The following PEBP4 variants were observed in gnomAD, a reference collection of about 807,000 sequenced individuals.
The protein encoded by PEBP4 is phosphatidylethanolamine-binding protein 4.
Under a neutral mutation model 23.9 loss-of-function variants are expected in PEBP4, and 22 were observed. That is an observed-to-expected ratio of 0.92 (90% confidence interval 0.66 to 1.31). The LOEUF (loss-of-function observed/expected upper bound fraction) is 1.31. Among genes scored for constraint, PEBP4 ranks in the 40% most tolerant of loss-of-function variants. PEBP4 has a pLI of 0.00. For synonymous variants in PEBP4, 112 were observed against 99.3 expected (o/e 1.13, Z -0.76); for missense variants, 324 against 281.7 (o/e 1.15, Z -1.07).
chr8:22,764,410 T>C (rs1228965279), intron 4 of PEBP4, among the ~76,000 whole-genome samples: 1 of 152,156 alleles, frequency 6.6e-6, no homozygotes, highest in Non-Finnish European at 1.5e-5. Flanking sequence ...TGCTGACCTG[T>C]GAACGCTTCA....
chr8:22,808,938 G>T lies in PEBP4; in HGVS notation c.357+8699C>A, dbSNP rs1323120618. ...ATCAATCCTAATGGCTACCTGTCAA[G>T]TCTGATGCCCACTGGTGGCTTCTCT... On this transcript the variant is annotated intron_variant, in intron 4 of 6. Transcript: ENST00000256404. Among the ~76,000 whole-genome samples, 3 of 152,328 alleles carry T rather than the reference G, an allele frequency of 2.0e-5. No homozygotes were observed. The East Asian group carries it at 5.8e-4, about 29-fold the overall frequency.
chr8:22,936,573 T>C (rs535812311), intron 1 of PEBP4, among the ~76,000 whole-genome samples: 47 of 152,232 alleles, frequency 3.1e-4, no homozygotes, highest in African/African-American at 1.1e-3. Flanking sequence ...TCCAAAACAT[T>C]GGAGAGAATA....
At chr8:22,797,253 CA>C (rs57749113) in intron 4 of PEBP4, among the ~76,000 whole-genome samples, 43,879 of 114,060 alleles carry the variant, frequency 0.38, 6,886 homozygotes, top group Middle Eastern at 0.47. Context: ...AACTCTGTCT[CA>C]AAAAAAAAAA....
intron 3 of PEBP4, among the ~76,000 whole-genome samples, chr8:22,832,713 A>G (rs73553880): frequency 0.031 from 4,770 of 152,278 alleles, 227 homozygotes; most frequent in African/African-American, 0.092. Context: ...CCTGAGTCCT[A>G]GAAGCACTGG....
At chr8:22,864,474 A>G (rs1276927340) in intron 3 of PEBP4, among the ~76,000 whole-genome samples, 1 of 152,126 alleles carries the variant, frequency 6.6e-6, no homozygotes, top group East Asian at 1.9e-4. Flanking sequence ...TGAAGATAGA[A>G]CCACCAATAG....
At chr8:22,845,932 G>T (rs1807424389) in intron 3 of PEBP4, among the ~76,000 whole-genome samples, 1 of 152,258 alleles carries the variant, frequency 6.6e-6, no homozygotes, top group African/African-American at 2.4e-5. Flanking sequence ...CCCTGGATGG[G>T]CAACCTTCTG....
At chr8:22,913,747 G>T (rs779268029) in intron 3 of PEBP4, among the ~76,000 whole-genome samples, 2 of 152,126 alleles carry the variant, frequency 1.3e-5, no homozygotes, top group African/African-American at 2.4e-5. Context: ...ATTTCCAGTC[G>T]ACCCCTCAAC....
chr8:22,721,654 C>G (rs1804520900), intron 6 of PEBP4, among the ~76,000 whole-genome samples: 1 of 152,108 alleles, frequency 6.6e-6, no homozygotes, highest in Admixed American at 6.5e-5. Context: ...AGAAGCTTTT[C>G]CTGCCTGTTC....
At chr8:22,790,122 T>C (rs1563216964) in intron 4 of PEBP4, among the ~76,000 whole-genome samples, 1 of 152,370 alleles carries the variant, frequency 6.6e-6, no homozygotes, top group East Asian at 1.9e-4. Context: ...GCACCAGAGC[T>C]GTGGTCTTTA....
intron 3 of PEBP4, among the ~76,000 whole-genome samples, chr8:22,864,910 A>T (rs1390983614): frequency 6.6e-6 from 1 of 152,182 alleles, no homozygotes; most frequent in African/African-American, 2.4e-5. Flanking sequence ...AGGTCGGGGC[A>T]GGGGACCCAG....
chr8:22,910,662 G>C (rs576354745), intron 3 of PEBP4, among the ~76,000 whole-genome samples: 3 of 152,216 alleles, frequency 2.0e-5, no homozygotes, highest in Non-Finnish European at 4.4e-5. Flanking sequence ...GTGCTGGAAC[G>C]GAAGTCAGGA....
intron 4 of PEBP4, among the ~76,000 whole-genome samples, chr8:22,746,881 C>T (rs1033639848): frequency 1.3e-5 from 2 of 152,182 alleles, no homozygotes; most frequent in Non-Finnish European, 2.9e-5. Flanking sequence ...ATTTGACTCT[C>T]GTTCTGTCAC....
intron 3 of PEBP4, among the ~76,000 whole-genome samples, chr8:22,839,308 G>A (rs1807272633): frequency 6.6e-6 from 1 of 152,148 alleles, no homozygotes; most frequent in Non-Finnish European, 1.5e-5. Context: ...TGGGAGGGGC[G>A]GGGCTCTTGG....
chr8:22,727,590 G>A (rs918997980), intron 4 of PEBP4, among the ~76,000 whole-genome samples: 2 of 152,172 alleles, frequency 1.3e-5, no homozygotes, highest in African/African-American at 4.8e-5. Context: ...ATCACCTGCA[G>A]GGTCTGGTCG....
intron 4 of PEBP4, among the ~76,000 whole-genome samples, chr8:22,812,703 G>T (rs1397721083): frequency 6.6e-6 from 1 of 152,096 alleles, no homozygotes; most frequent in African/African-American, 2.4e-5. Flanking sequence ...GATAAAGATT[G>T]TTTATTCTGT....
At chr8:22,875,593 C>T (rs778736461) in intron 3 of PEBP4, among the ~76,000 whole-genome samples, 27 of 152,158 alleles carry the variant, frequency 1.8e-4, no homozygotes, top group Non-Finnish European at 3.4e-4. Flanking sequence ...CTAACGTAAA[C>T]ACTTGGGACC....
At chr8:22,849,809 A>G (rs1387494234) in intron 3 of PEBP4, among the ~76,000 whole-genome samples, 1 of 152,196 alleles carries the variant, frequency 6.6e-6, no homozygotes, top group Non-Finnish European at 1.5e-5. Context: ...TTTCACATAC[A>G]GTCAACTCAA....
chr8:22,850,840 T>C (rs970314332), intron 3 of PEBP4, among the ~76,000 whole-genome samples: 12 of 152,180 alleles, frequency 7.9e-5, no homozygotes, highest in African/African-American at 2.9e-4. Flanking sequence ...AGGAAGGGCC[T>C]CTCATTGCAA....
At chr8:22,870,705 T>G (rs1807990323) in intron 3 of PEBP4, among the ~76,000 whole-genome samples, 1 of 152,094 alleles carries the variant, frequency 6.6e-6, no homozygotes, top group Non-Finnish European at 1.5e-5. Context: ...GGGGTGTATG[T>G]GGGAACTTTC....
Sources: allele counts gnomAD v4.1 joint callset (sites outside exome capture counted in the v4.1 genomes callset), GRCh38; gene constraint gnomAD v4.1.1; transcripts MANE v1.5; gene names NCBI Gene and HGNC (gene_info 2026-07-23, HGNC 2026-07-21).